Variants in MCPH1 observed in about 807,000 individuals in gnomAD.
MCPH1 encodes the protein microcephalin 1.
In MCPH1, 104 loss-of-function variants were observed where a neutral mutation model predicts 84.5. The observed-to-expected ratio is 1.23, with a 90% CI of 1.05 to 1.45. MCPH1 has a LOEUF of 1.45. Ranked by LOEUF, MCPH1 falls within the 40% of genes most tolerant of loss-of-function variation. The pLI is 0.00. For missense variants in MCPH1, 1,498 were observed against 1,005.7 expected, an observed-to-expected ratio of 1.49 and a Z score of -6.62; for synonymous variants, 514 against 366.8, an observed-to-expected ratio of 1.40 and a Z score of -4.58.
intron 12 of MCPH1, among the ~76,000 whole-genome samples, chr8:6,620,460 C>T (rs1004568205): frequency 6.6e-6 from 1 of 152,246 alleles, no homozygotes; most frequent in South Asian, 2.1e-4. Flanking sequence ...GCACCCTACC[C>T]CTGCCTCCGA....
chr8:6,424,377 C>A (rs1800734587), intron 3 of MCPH1, among the ~76,000 whole-genome samples: 1 of 152,180 alleles, frequency 6.6e-6, no homozygotes, highest in Non-Finnish European at 1.5e-5. Context: ...TCACCCCCTG[C>A]ATTTAGTGTT....
At chr8:6,527,624 G>T (rs773644967) in intron 12 of MCPH1, 3 of 1,613,730 alleles carry the variant, frequency 1.9e-6, no homozygotes, top group Non-Finnish European at 2.5e-6. Context: ...TTTGTTTGTC[G>T]AGAGGGAGTG....
chr8:6,544,467 A>T (rs1249543255), intron 12 of MCPH1, among the ~76,000 whole-genome samples: 2 of 152,218 alleles, frequency 1.3e-5, no homozygotes, highest in Non-Finnish European at 2.9e-5. Flanking sequence ...AGAGTATTTT[A>T]CTACAAAATA....
intron 12 of MCPH1, among the ~76,000 whole-genome samples, chr8:6,535,535 A>C (rs1160581121): frequency 6.6e-6 from 1 of 152,220 alleles, no homozygotes; most frequent in Non-Finnish European, 1.5e-5. Flanking sequence ...TCTTACATAA[A>C]AGCAGATTAC....
At chr8:6,626,223 G>A in intron 13 of MCPH1, 1 of 985,420 alleles carries the variant, frequency 1.0e-6, no homozygotes, top group Non-Finnish European at 1.2e-6. Context: ...AGAACAGGGA[G>A]TGGAGGTGTG....
chr8:6,567,426 G>C (rs17553929), intron 12 of MCPH1, among the ~76,000 whole-genome samples: 10,134 of 152,258 alleles, frequency 0.067, 381 homozygotes, highest in East Asian at 0.11. Context: ...GGGAGGACTG[G>C]TGCCTCGGCT....
In MCPH1 at chr8:6,643,004, C is replaced by G. The variant is rs764137311; in HGVS notation, c.2463C>G (p.Thr821=). The G allele has an allele frequency of 1.9e-6, 3 of 1,614,058 alleles. No homozygotes were observed. Among genetic ancestry groups the G allele is most frequent in the South Asian group, 2.2e-5 (2 of 91,062 alleles). ...LSEKWVLDSI[T]QHKVCAPENY... Reference sequence around the variant, plus strand: ...TCGCTCTCTCTCTAGATTCCATCACCCAGCACAAGGTCTGTGCCCCTGAAA... The same window carrying G: ...TCGCTCTCTCTCTAGATTCCATCACGCAGCACAAGGTCTGTGCCCCTGAAA... The change falls in exon 14 of 14, where the codon ACC becomes ACG. Residue 821 remains threonine (T), a synonymous_variant. Transcript: ENST00000344683.
intron 12 of MCPH1, among the ~76,000 whole-genome samples, chr8:6,541,273 T>C (rs1821509047): frequency 6.6e-6 from 1 of 152,006 alleles, no homozygotes; most frequent in African/African-American, 2.4e-5. Context: ...AAATGAGGCT[T>C]AGAGAAAGTC....
intron 12 of MCPH1, among the ~76,000 whole-genome samples, chr8:6,537,171 A>G (rs973824345): frequency 4.6e-5 from 7 of 152,056 alleles, no homozygotes; most frequent in Non-Finnish European, 1.0e-4. Flanking sequence ...CATGTGAAAC[A>G]TATTCATGTT....
intron 12 of MCPH1, among the ~76,000 whole-genome samples, chr8:6,608,173 C>G (rs763123460): frequency 6.6e-6 from 1 of 152,110 alleles, no homozygotes; most frequent in Admixed American, 6.5e-5. Flanking sequence ...TGGGAGAGGT[C>G]GCACGGCCTG....
intron 3 of MCPH1, among the ~76,000 whole-genome samples, chr8:6,417,961 TGTC>T (rs1308969412): frequency 2.0e-5 from 3 of 152,334 alleles, no homozygotes; most frequent in Non-Finnish European, 2.9e-5. Context: ...GCAGTTAACT[TGTC>T]GTTAAAATGA....
At chr8:6,604,940 C>T (rs1829644968) in intron 12 of MCPH1, among the ~76,000 whole-genome samples, 1 of 152,252 alleles carries the variant, frequency 6.6e-6, no homozygotes, top group African/African-American at 2.4e-5. Flanking sequence ...GAAGGAACCA[C>T]AGAATCAAAC....
chr8:6,602,667 T>C (rs1975622), intron 12 of MCPH1, among the ~76,000 whole-genome samples: 143,255 of 152,072 alleles, frequency 0.94, 68,091 homozygotes, highest in East Asian at 1. Flanking sequence ...TTGGGTTTGT[T>C]GCTTTCCTTG....
intron 12 of MCPH1, among the ~76,000 whole-genome samples, chr8:6,568,189 A>C (rs2012093): frequency 0.95 from 143,730 of 151,972 alleles, 68,379 homozygotes; most frequent in East Asian, 1. Flanking sequence ...AGGCGCAAAC[A>C]AGAAAAGCCA....
chr8:6,628,493 A>C lies in MCPH1; in HGVS notation c.2452+6802A>C, dbSNP rs866995057. Among the ~76,000 whole-genome samples, 1,023 of 150,584 alleles carry C rather than the reference A, an allele frequency of 6.8e-3. 10 individuals carry two copies. Among genetic ancestry groups the C allele is most frequent in the African/African-American group, 0.024 (962 of 40,524 alleles). ...TCAAAAAAAAAAAAAAAAAAAAAAA[A>C]ACATTAAAAGCAGACCAAAAAAATC... On this transcript the variant is annotated intron_variant, in intron 13 of 13. Transcript: ENST00000344683.
At chr8:6,603,348 C>T (rs1011027513) in intron 12 of MCPH1, among the ~76,000 whole-genome samples, 8 of 151,998 alleles carry the variant, frequency 5.3e-5, no homozygotes, top group Non-Finnish European at 8.8e-5. Context: ...GTGAACTTTT[C>T]GGGATGACGG....
At chr8:6,479,400 T>TTTTA (rs1808893631) in intron 10 of MCPH1, among the ~76,000 whole-genome samples, 1 of 147,254 alleles carries the variant, frequency 6.8e-6, no homozygotes, top group African/African-American at 2.6e-5. Flanking sequence ...TTATTTCTTT[T>TTTTA]TCTATTTATT....
chr8:6,575,726 C>G (rs183485028), intron 12 of MCPH1, among the ~76,000 whole-genome samples: 1 of 152,164 alleles, frequency 6.6e-6, no homozygotes, highest in East Asian at 1.9e-4. Context: ...GGAGTGGGCC[C>G]CTAATCTAAT....
intron 12 of MCPH1, chr8:6,508,217 C>A (rs2515414): frequency 0.44 from 66,656 of 152,106 alleles, 15,064 homozygotes; most frequent in Middle Eastern, 0.53. Context: ...CTGGAGGCTG[C>A]GGCGGGCAGA....
Sources: gnomAD v4.1 joint callset for allele counts (sites outside exome capture counted in the v4.1 genomes callset) on GRCh38, gnomAD v4.1.1 for gene constraint, MANE v1.5 for transcripts, NCBI Gene and HGNC (gene_info 2026-07-23, HGNC 2026-07-21) for gene names.